The following ROBO2 variants were observed in gnomAD, a reference collection of about 807,000 sequenced individuals.
ROBO2 encodes the protein roundabout guidance receptor 2, also known as roundabout homolog 2.
Under a neutral mutation model 160.8 loss-of-function variants are expected in ROBO2, and 53 were observed. The observed-to-expected ratio is 0.33, with a 90% CI of 0.26 to 0.41. The LOEUF (loss-of-function observed/expected upper bound fraction) is 0.41. Among genes scored for constraint, ROBO2 ranks in the 10% least tolerant of loss-of-function variants. The pLI, the probability that ROBO2 is intolerant of heterozygous loss-of-function variation, is 1.00. For synonymous variants in ROBO2, 664 were observed against 611.7 expected (o/e 1.09, Z -1.26); for missense variants, 1,577 against 1,722.4 (o/e 0.92, Z 1.49).
At chr3:77,322,778 GTAT>G (rs1233486674) in intron 2 of ROBO2, among the ~76,000 whole-genome samples, 2 of 127,260 alleles carry the variant, frequency 1.6e-5, no homozygotes, top group Middle Eastern at 5.7e-3. Flanking sequence ...TTATACATAT[GTAT>G]TATAATATAT....
chr3:76,216,393 G>T (rs1393331605), intron 2 of ROBO2, among the ~76,000 whole-genome samples: 1 of 152,142 alleles, frequency 6.6e-6, no homozygotes, highest in Non-Finnish European at 1.5e-5. Context: ...AGACCCATCA[G>T]TGTGCTGTAT....
intron 2 of ROBO2, among the ~76,000 whole-genome samples, chr3:76,848,815 A>T (rs1230048908): frequency 6.6e-6 from 1 of 152,174 alleles, no homozygotes; most frequent in East Asian, 1.9e-4. Flanking sequence ...ATAGACTAAC[A>T]TTGGTGGTTA....
At chr3:75,960,977 G>T (rs1197485905) in intron 2 of ROBO2, among the ~76,000 whole-genome samples, 1 of 151,518 alleles carries the variant, frequency 6.6e-6, no homozygotes, top group Non-Finnish European at 1.5e-5. Flanking sequence ...TTGAAATAAT[G>T]GAGACATAGT....
At chr3:77,163,312 C>T (rs954010963) in intron 2 of ROBO2, among the ~76,000 whole-genome samples, 1 of 152,154 alleles carries the variant, frequency 6.6e-6, no homozygotes, top group African/African-American at 2.4e-5. Flanking sequence ...AGAATCTATA[C>T]ATAGATTTTA....
chr3:76,684,592 G>GTTTA (rs1397604046), intron 2 of ROBO2, among the ~76,000 whole-genome samples: 1 of 152,004 alleles, frequency 6.6e-6, no homozygotes, highest in African/African-American at 2.4e-5. Flanking sequence ...TATAGTAAGA[G>GTTTA]TTTACATCAA....
At chr3:76,627,683 A>AGTT (rs3067748) in intron 2 of ROBO2, among the ~76,000 whole-genome samples, 2 of 151,710 alleles carry the variant, frequency 1.3e-5, no homozygotes, top group African/African-American at 4.8e-5. Flanking sequence ...AATAAGGAAA[A>AGTT]AAAGTGCAAT....
intron 2 of ROBO2, among the ~76,000 whole-genome samples, chr3:76,481,269 G>A (rs941029634): frequency 3.9e-5 from 6 of 152,226 alleles, no homozygotes; most frequent in African/African-American, 1.2e-4. Flanking sequence ...GATATCATCT[G>A]TATTGAGTAA....
intron 2 of ROBO2, among the ~76,000 whole-genome samples, chr3:76,115,195 A>G (rs2070410713): frequency 6.6e-6 from 1 of 152,142 alleles, no homozygotes; most frequent in South Asian, 2.1e-4. Flanking sequence ...GGGCAATTTT[A>G]GTCTATTAAC....
intron 2 of ROBO2, among the ~76,000 whole-genome samples, chr3:76,542,945 G>A (rs2082896604): frequency 6.6e-6 from 1 of 151,900 alleles, no homozygotes; most frequent in African/African-American, 2.4e-5. Flanking sequence ...TCCTTCCTAG[G>A]GTCAGTTTAT....
chr3:77,272,162 A>G (rs958321020), intron 2 of ROBO2, among the ~76,000 whole-genome samples: 1 of 152,216 alleles, frequency 6.6e-6, no homozygotes, highest in African/African-American at 2.4e-5. Flanking sequence ...TTTTAAATTG[A>G]TGAACTAGTT....
chr3:76,836,210 T>C (rs2067676160), intron 2 of ROBO2, among the ~76,000 whole-genome samples: 1 of 151,976 alleles, frequency 6.6e-6, no homozygotes, highest in Admixed American at 6.6e-5. Flanking sequence ...TTACCTGGTC[T>C]ACTACTTGTT....
intron 2 of ROBO2, among the ~76,000 whole-genome samples, chr3:76,255,706 CA>C (rs1706313674): frequency 6.6e-6 from 1 of 151,848 alleles, no homozygotes; most frequent in South Asian, 2.1e-4. Context: ...TCGAAAATCA[CA>C]GAGAATACTA....
intron 2 of ROBO2, among the ~76,000 whole-genome samples, chr3:76,638,046 A>T (rs1267493695): frequency 6.6e-6 from 1 of 152,186 alleles, no homozygotes; most frequent in Non-Finnish European, 1.5e-5. Flanking sequence ...TGTTTAAAAA[A>T]TTGCAGTTTA....
At chr3:76,139,932 C>T (rs1161388140) in intron 2 of ROBO2, among the ~76,000 whole-genome samples, 2 of 152,054 alleles carry the variant, frequency 1.3e-5, no homozygotes, top group Non-Finnish European at 2.9e-5. Flanking sequence ...ACTACCATCA[C>T]TGATTCTTCT....
intron 2 of ROBO2, among the ~76,000 whole-genome samples, chr3:77,303,377 T>C (rs919264609): frequency 6.6e-6 from 1 of 152,170 alleles, no homozygotes; most frequent in Non-Finnish European, 1.5e-5. Context: ...AAAAATAACC[T>C]GTCTGTAAAT....
chr3:76,732,933 TC>T (rs1411168863), intron 2 of ROBO2, among the ~76,000 whole-genome samples: 3 of 148,902 alleles, frequency 2.0e-5, no homozygotes, highest in Non-Finnish European at 4.4e-5. Flanking sequence ...CATGTAGTCT[TC>T]CTTATGGCCC....
intron 2 of ROBO2, among the ~76,000 whole-genome samples, chr3:76,245,845 C>T (rs1576073535): frequency 6.6e-6 from 1 of 152,234 alleles, no homozygotes; most frequent in East Asian, 1.9e-4. Flanking sequence ...CAAAGGTCTG[C>T]TACTACTGCT....
chr3:77,636,260 C>A (rs997458015), intron 24 of ROBO2, among the ~76,000 whole-genome samples: 1 of 152,092 alleles, frequency 6.6e-6, no homozygotes, highest in Non-Finnish European at 1.5e-5. Context: ...TCTGTCACAA[C>A]TACTCAACAC....
At chr3:77,384,398 A>G (rs1342819250) in intron 2 of ROBO2, among the ~76,000 whole-genome samples, 1 of 152,118 alleles carries the variant, frequency 6.6e-6, no homozygotes, top group Non-Finnish European at 1.5e-5. Context: ...AGTTTGAACA[A>G]ATGTTGTTTT....
Sources: allele counts gnomAD v4.1 joint callset (sites outside exome capture counted in the v4.1 genomes callset), GRCh38; gene constraint gnomAD v4.1.1; transcripts MANE v1.5; gene names NCBI Gene and HGNC (gene_info 2026-07-23, HGNC 2026-07-21).